Variants in SDK2 observed in about 807,000 individuals in gnomAD.
SDK2 encodes the protein protein sidekick-2.
SDK2 carries 105 observed loss-of-function variants against 253.9 expected under a neutral mutation model. The observed-to-expected ratio is 0.41, with a 90% CI of 0.35 to 0.49. The LOEUF (loss-of-function observed/expected upper bound fraction) is 0.49, where lower values mean the gene tolerates loss of function less well. Ranked by LOEUF, SDK2 falls within the 20% of genes least tolerant of loss-of-function variation. SDK2 has a pLI of 0.06. For synonymous variants in SDK2, 1,249 were observed against 1,234.9 expected, an observed-to-expected ratio of 1.01 and a Z score of -0.24; for missense variants, 2,608 against 3,003.0, an observed-to-expected ratio of 0.87 and a Z score of 3.07.
chr17:73,614,889 T>C (rs1304074592), intron 1 of SDK2, among the ~76,000 whole-genome samples: 1 of 152,014 alleles, frequency 6.6e-6, no homozygotes, highest in Non-Finnish European at 1.5e-5. Context: ...GGTTCCCTTT[T>C]TGGGTGACAG....
chr17:73,559,833 AG>A (rs1358582540), intron 1 of SDK2, among the ~76,000 whole-genome samples: 1 of 152,222 alleles, frequency 6.6e-6, no homozygotes, highest in Non-Finnish European at 1.5e-5. Context: ...GATGAGAGAA[AG>A]AGAGGGTCTG....
At chr17:73,565,156 G>A (rs185166156) in intron 1 of SDK2, among the ~76,000 whole-genome samples, 8 of 152,278 alleles carry the variant, frequency 5.3e-5, no homozygotes, top group South Asian at 4.1e-4. Flanking sequence ...CAGAGTTTGC[G>A]GCAACCGCAG....
At chr17:73,617,924 G>A (rs76671023) in intron 1 of SDK2, among the ~76,000 whole-genome samples, 4,943 of 152,158 alleles carry the variant, frequency 0.032, 92 homozygotes, top group African/African-American at 0.05. Flanking sequence ...AGAACACATC[G>A]AGATCTAAAC....
chr17:73,566,762 G>C (rs1599684579), intron 1 of SDK2, among the ~76,000 whole-genome samples: 2 of 151,960 alleles, frequency 1.3e-5, no homozygotes, highest in East Asian at 3.9e-4. Flanking sequence ...AAGATATCTG[G>C]CAAAAGAAAT....
At chr17:73,399,684 G>C (rs762462827) in intron 21 of SDK2, among the ~76,000 whole-genome samples, 1 of 152,178 alleles carries the variant, frequency 6.6e-6, no homozygotes, top group Non-Finnish European at 1.5e-5. Context: ...CCTTCCATCC[G>C]CCCAGACCCC....
chr17:73,395,284 G>T lies in SDK2; in HGVS notation c.3463C>A (p.Arg1155Ser). Residue 1155 changes from arginine (R) to serine (S), a missense_variant, in exon 25 of 45, where the codon CGT becomes AGT. By Grantham distance (110) the Arg-to-Ser change is moderately radical. This residue lies in a region of SDK2 where 1,505 missense variants were observed against 1,859.1 expected (regional missense o/e 0.81). Coordinates refer to ENST00000392650, the MANE Select transcript of SDK2 (RefSeq NM_001144952.2). This position sits in a 1 kb window ranked among gnomAD's most constrained non-coding sequence, Gnocchi z 4.3. ...GKTLSHVVQD[R>S]VERDYTIEDL... ...TCGATGGTGTAGTCCCGCTCCACAC[G>T]GTCCTGCACCACGTGGCTCAGCGTC... is the stretch of plus-strand genomic sequence containing the variant. 1 of 1,613,930 alleles carries T rather than the reference G, an allele frequency of 6.2e-7. No individual in the cohort carries two copies. The highest frequency in any genetic ancestry group is 8.5e-7 in the Non-Finnish European group (1 of 1,179,884).
chr17:73,596,601 T>C (rs9904344), intron 1 of SDK2, among the ~76,000 whole-genome samples: 41,827 of 152,008 alleles, frequency 0.28, 5,855 homozygotes, highest in African/African-American at 0.32. Context: ...CGCAGTGACA[T>C]GTCCCCGGAA....
At chr17:73,560,665 T>C (rs2045219473) in intron 1 of SDK2, among the ~76,000 whole-genome samples, 1 of 150,958 alleles carries the variant, frequency 6.6e-6, no homozygotes, top group Non-Finnish European at 1.5e-5. Context: ...GTGTGGAACA[T>C]GGAACATTTC....
chr17:73,460,931 C>T (rs2063558661), intron 3 of SDK2, among the ~76,000 whole-genome samples: 1 of 152,156 alleles, frequency 6.6e-6, no homozygotes, highest in African/African-American at 2.4e-5. Context: ...TCTTTCTCCT[C>T]TCTAGTTTTA....
chr17:73,602,357 C>T (rs2045853279), intron 1 of SDK2, among the ~76,000 whole-genome samples: 1 of 152,160 alleles, frequency 6.6e-6, no homozygotes, highest in African/African-American at 2.4e-5. Context: ...GAGCCTCTTC[C>T]TCCATGGCAT....
At chr17:73,388,252 G>T (rs556893382) in intron 29 of SDK2, among the ~76,000 whole-genome samples, 1 of 152,272 alleles carries the variant, frequency 6.6e-6, no homozygotes, top group South Asian at 2.1e-4. Flanking sequence ...GGCTCCTAGA[G>T]CCCCAGGGCC....
At chr17:73,428,740 G>A (rs927515523) in intron 12 of SDK2, among the ~76,000 whole-genome samples, 3 of 152,112 alleles carry the variant, frequency 2.0e-5, no homozygotes, top group East Asian at 3.9e-4. Context: ...ACCTCAAGAC[G>A]GAGGGTAGAA....
chr17:73,513,555 AG>A (rs1456572226), intron 1 of SDK2: 1 of 152,212 alleles, frequency 6.6e-6, no homozygotes, highest in African/African-American at 2.4e-5. Flanking sequence ...ATGCTATCAA[AG>A]CTAAAAATGC....
At chr17:73,597,554 C>T (rs117298927) in intron 1 of SDK2, among the ~76,000 whole-genome samples, 3,525 of 152,260 alleles carry the variant, frequency 0.023, 61 homozygotes, top group South Asian at 0.04. Context: ...CATGGAACGA[C>T]AGGCTTCTGC....
At chr17:73,536,260 C>G (rs1323116916) in intron 1 of SDK2, among the ~76,000 whole-genome samples, 1 of 152,298 alleles carries the variant, frequency 6.6e-6, no homozygotes, top group South Asian at 2.1e-4. Context: ...CCTTTAAGAA[C>G]CCCTGGACCT....
chr17:73,337,222 G>A lies in SDK2; in HGVS notation c.*1365C>T, dbSNP rs117667453. On this transcript the variant is annotated 3_prime_UTR_variant, in exon 45 of 45. Coordinates refer to ENST00000392650, the MANE Select transcript of SDK2 (RefSeq NM_001144952.2). ...CTTCCCCTCCCCGCCCTGGCCAGGC[G>A]GAGCCCAGCCTGGAAGCTGTTACTG... 437 of 152,454 alleles carry A rather than the reference G, an allele frequency of 2.9e-3. 1 individual carries two copies. Among genetic ancestry groups the A allele is most frequent in the Non-Finnish European group, 4.6e-3 (316 of 68,130 alleles). The allele number at this position is 152,454 out of a possible 1,614,324, so 9.4% of individuals were successfully genotyped here. A position where few individuals can be genotyped will look rare whatever the true frequency, so the allele number is the denominator to read the frequency against.
At chr17:73,454,057 A>G (rs912988034) in intron 4 of SDK2, among the ~76,000 whole-genome samples, 6 of 152,246 alleles carry the variant, frequency 3.9e-5, no homozygotes, top group African/African-American at 1.4e-4. Context: ...AATTGCCTAC[A>G]GTACAGTAAC....
chr17:73,553,719 C>T (rs1419844190), intron 1 of SDK2, among the ~76,000 whole-genome samples: 2 of 152,196 alleles, frequency 1.3e-5, no homozygotes, highest in Non-Finnish European at 2.9e-5. Context: ...CTTGTTACAG[C>T]ATAGCCTTCA....
At chr17:73,420,677 T>C (rs1370029001) in intron 15 of SDK2, among the ~76,000 whole-genome samples, 5 of 151,232 alleles carry the variant, frequency 3.3e-5, no homozygotes, top group Non-Finnish European at 5.9e-5. Flanking sequence ...ATTTGGCCTT[T>C]TTCTTTTTTG....
Sources: allele counts gnomAD v4.1 joint callset (sites outside exome capture counted in the v4.1 genomes callset), GRCh38; gene constraint gnomAD v4.1.1; regional missense constraint gnomAD v4.1.1; non-coding constraint Gnocchi (gnomAD v3.1); transcripts MANE v1.5; gene names NCBI Gene and HGNC (gene_info 2026-07-23, HGNC 2026-07-21).